MYO3B: variants seen among roughly 807,000 people sequenced by gnomAD.
The protein encoded by MYO3B is myosin-IIIb.
A neutral mutation model predicts 174.6 loss-of-function variants in MYO3B; 156 were observed. The observed-to-expected ratio is 0.89, with a 90% CI of 0.78 to 1.02. The LOEUF is 1.02. MYO3B is among the 50% of genes least tolerant of loss of function. MYO3B has a pLI of 0.00. For synonymous variants in MYO3B, 563 were observed against 569.1 expected, an observed-to-expected ratio of 0.99 and a Z score of 0.15; for missense variants, 1,632 against 1,639.4, an observed-to-expected ratio of 1.00 and a Z score of 0.08.
At chr2:170,459,430 G>C (rs1461529102) in intron 23 of MYO3B, among the ~76,000 whole-genome samples, 1 of 152,136 alleles carries the variant, frequency 6.6e-6, no homozygotes, top group Non-Finnish European at 1.5e-5. Flanking sequence ...GTCCCCACTA[G>C]ATTAGCTAGA....
intron 28 of MYO3B, among the ~76,000 whole-genome samples, chr2:170,508,981 C>G (rs946458428): frequency 1.3e-5 from 2 of 151,656 alleles, no homozygotes; most frequent in Non-Finnish European, 2.9e-5. Context: ...TTACTTCCCT[C>G]TCTGTACTCC....
Position 170,388,038 on chromosome 2 carries a change from A to ATAATAATAATAGCTATTATTATAATTGT in MYO3B, c.1577+753_1577+780dup, listed in dbSNP as rs1486282082. On this transcript the variant is annotated intron_variant, in intron 14 of 34. Transcript: ENST00000408978. ...TCCTATTATAATAATAACTCTTCAT[A>ATAATAATAATAGCTATTATTATAATTGT]TAATAATAATAGCTATTATTATAAT... 1.6e-4 allele frequency among the ~76,000 whole-genome samples: 24 copies of ATAATAATAATAGCTATTATTATAATTGT among 151,904 alleles called. No homozygotes were observed. The South Asian group carries it at 1.9e-3, about 12-fold the overall frequency.
intron 25 of MYO3B, among the ~76,000 whole-genome samples, chr2:170,496,940 A>G (rs1250004120): frequency 6.6e-6 from 1 of 152,162 alleles, no homozygotes; most frequent in Non-Finnish European, 1.5e-5. Flanking sequence ...TCAACAAGTT[A>G]TATTTTTAAA....
At position 170,626,298 on chromosome 2, in the gene MYO3B, C is replaced by T. The variant is rs964480349; in HGVS notation, c.3734-25330C>T. ...TCTTCTTGTTGAATTGATCCCTTTACGATTATGTAATGGCCTTCTTTATCT... is the reference window on the plus strand; with the variant it reads ...TCTTCTTGTTGAATTGATCCCTTTATGATTATGTAATGGCCTTCTTTATCT... On this transcript the variant is annotated intron_variant, in intron 32 of 34. Coordinates refer to ENST00000408978, the MANE Select transcript of MYO3B (RefSeq NM_138995.5). Among the ~76,000 whole-genome samples, 8 of 152,146 alleles carry T rather than the reference C, an allele frequency of 5.3e-5. No homozygotes were observed. The South Asian group carries it at 8.3e-4, about 16-fold the overall frequency.
At chr2:170,409,545 C>T (rs779588359) in intron 22 of MYO3B, among the ~76,000 whole-genome samples, 6 of 152,160 alleles carry the variant, frequency 3.9e-5, no homozygotes, top group Non-Finnish European at 5.9e-5. Flanking sequence ...TTAGGATTCT[C>T]CACATTTTGA....
At chr2:170,411,414 T>C (rs2094545391) in intron 22 of MYO3B, among the ~76,000 whole-genome samples, 1 of 152,254 alleles carries the variant, frequency 6.6e-6, no homozygotes, top group African/African-American at 2.4e-5. Context: ...CTGTACAGTA[T>C]GTTACTATAC....
At chr2:170,387,055 C>A in intron 13 of MYO3B, 51 bp from the exon 14 acceptor site, 1 of 1,586,276 alleles carries the variant, frequency 6.3e-7, no homozygotes, top group Non-Finnish European at 8.6e-7. Flanking sequence ...GGCAACTTTG[C>A]TGGTGTAATG....
chr2:170,322,431 T>C (rs2093835282), intron 7 of MYO3B, among the ~76,000 whole-genome samples: 1 of 152,180 alleles, frequency 6.6e-6, no homozygotes. Flanking sequence ...ATCCATTCAG[T>C]AGCAATTATT....
At chr2:170,524,804 G>A (rs541610519) in intron 30 of MYO3B, among the ~76,000 whole-genome samples, 7 of 152,158 alleles carry the variant, frequency 4.6e-5, no homozygotes, top group Admixed American at 3.3e-4. Flanking sequence ...GGTTTTACAC[G>A]CATTATCCTG....
intron 22 of MYO3B, among the ~76,000 whole-genome samples, chr2:170,434,159 T>C (rs188752155): frequency 6.6e-6 from 1 of 152,326 alleles, no homozygotes; most frequent in East Asian, 1.9e-4. Flanking sequence ...TATGTGAAGA[T>C]GAACTAAGAT....
chr2:170,580,042 C>T (rs537600060), intron 32 of MYO3B, among the ~76,000 whole-genome samples: 1 of 151,818 alleles, frequency 6.6e-6, no homozygotes, highest in South Asian at 2.1e-4. Context: ...GTTGATCAAC[C>T]GTGCTAGAGA....
intron 7 of MYO3B, among the ~76,000 whole-genome samples, chr2:170,320,688 T>A (rs1242790091): frequency 2.0e-5 from 3 of 152,006 alleles, no homozygotes; most frequent in African/African-American, 7.2e-5. Flanking sequence ...TATTTACATA[T>A]ATATATGTGC....
chr2:170,205,098 G>C (rs1482409019), intron 3 of MYO3B, among the ~76,000 whole-genome samples: 1 of 152,174 alleles, frequency 6.6e-6, no homozygotes, highest in African/African-American at 2.4e-5. Context: ...TGGGAAGTCA[G>C]ACAGCTCTTA....
intron 7 of MYO3B, among the ~76,000 whole-genome samples, chr2:170,316,145 A>G (rs995668190): frequency 6.6e-6 from 1 of 152,252 alleles, no homozygotes; most frequent in East Asian, 1.9e-4. Flanking sequence ...ATGATCTTCA[A>G]AACTTCAGCC....
intron 13 of MYO3B, 104 bp downstream of exon 13, chr2:170,386,376 A>G (rs1368950608): frequency 1.4e-5 from 12 of 881,008 alleles, no homozygotes; most frequent in Non-Finnish European, 2.1e-5. Flanking sequence ...TAAGGCTTAC[A>G]TAAAGACATT....
intron 22 of MYO3B, among the ~76,000 whole-genome samples, chr2:170,428,386 T>G (rs967086006): frequency 1.3e-5 from 2 of 152,244 alleles, no homozygotes; most frequent in African/African-American, 4.8e-5. Context: ...TGTTCTTTCT[T>G]ATTTCCCCCA....
chr2:170,482,101 A>G (rs1290344934), intron 25 of MYO3B, among the ~76,000 whole-genome samples: 2 of 151,786 alleles, frequency 1.3e-5, no homozygotes, highest in Middle Eastern at 3.5e-3. Context: ...GATAGTGAAT[A>G]AGTCTCAGGA....
chr2:170,547,934 G>A (rs1417969060), intron 32 of MYO3B, among the ~76,000 whole-genome samples: 1 of 151,700 alleles, frequency 6.6e-6, no homozygotes, highest in East Asian at 1.9e-4. Context: ...TAAACAGGGT[G>A]GCTTCATTAA....
At chr2:170,508,690 T>C (rs1044278714) in intron 28 of MYO3B, among the ~76,000 whole-genome samples, 4 of 152,226 alleles carry the variant, frequency 2.6e-5, no homozygotes, top group African/African-American at 7.2e-5. Flanking sequence ...ATATGACACA[T>C]TGGAAATAAG....
Sources: gnomAD v4.1 joint callset for allele counts (sites outside exome capture counted in the v4.1 genomes callset) on GRCh38, gnomAD v4.1.1 for gene constraint, MANE v1.5 for transcripts, NCBI Gene and HGNC (gene_info 2026-07-23, HGNC 2026-07-21) for gene names.